The following NOL4 variants were observed in gnomAD, a reference collection of about 807,000 sequenced individuals.
NOL4 encodes cancer/testis antigen 125.
Under a neutral mutation model 75.9 loss-of-function variants are expected in NOL4, and 17 were observed. The ratio of observed to expected loss-of-function variants is 0.22; its 90% CI spans 0.15 to 0.34. The LOEUF is 0.34. Among genes scored for constraint, NOL4 ranks in the 10% least tolerant of loss-of-function variants. The pLI is 1.00. For missense variants in NOL4, 614 were observed against 793.5 expected (o/e 0.77, Z 2.72); for synonymous variants, 292 against 289.9 (o/e 1.01, Z -0.07).
At chr18:33,982,193 G>A (rs866338135) in intron 6 of NOL4, among the ~76,000 whole-genome samples, 2 of 151,974 alleles carry the variant, frequency 1.3e-5, no homozygotes, top group Non-Finnish European at 2.9e-5. Context: ...AAACATAGTA[G>A]ACATTACTCA....
intron 6 of NOL4, among the ~76,000 whole-genome samples, chr18:33,969,064 C>T (rs747391292): frequency 2.2e-4 from 33 of 152,230 alleles, no homozygotes; most frequent in Non-Finnish European, 4.0e-4. Context: ...TAATCAAGTT[C>T]CTTTCATGTC....
At chr18:34,070,646 C>T (rs2077475067) in intron 5 of NOL4, among the ~76,000 whole-genome samples, 1 of 150,848 alleles carries the variant, frequency 6.6e-6, no homozygotes, top group Admixed American at 6.6e-5. Flanking sequence ...AAAATAAAGA[C>T]ACAGCCCATA....
chr18:34,010,121 T>C (rs1034903174), intron 6 of NOL4, among the ~76,000 whole-genome samples: 2 of 151,830 alleles, frequency 1.3e-5, no homozygotes, highest in African/African-American at 2.4e-5. Flanking sequence ...CATATTTTTG[T>C]ACCTATTAAC....
At chr18:34,196,684 A>G (rs2035352282) in intron 1 of NOL4, among the ~76,000 whole-genome samples, 1 of 152,122 alleles carries the variant, frequency 6.6e-6, no homozygotes, top group Admixed American at 6.6e-5. Context: ...ATTTACAGAA[A>G]ACAGCAGAAA....
At chr18:34,047,106 T>C (rs1308879134) in intron 5 of NOL4, among the ~76,000 whole-genome samples, 1 of 152,130 alleles carries the variant, frequency 6.6e-6, no homozygotes, top group African/African-American at 2.4e-5. Context: ...ATAATAATTT[T>C]ATCCAACATT....
intron 5 of NOL4, among the ~76,000 whole-genome samples, chr18:34,056,820 G>T (rs2145061888): frequency 6.6e-6 from 1 of 152,244 alleles, no homozygotes; most frequent in East Asian, 1.9e-4. Flanking sequence ...AAGGGATTCT[G>T]GTCCATATAT....
chr18:34,096,759 G>A (rs1185901917), intron 4 of NOL4, among the ~76,000 whole-genome samples: 2 of 152,058 alleles, frequency 1.3e-5, no homozygotes. Context: ...GAAACTTAAT[G>A]TTTTAATATT....
chr18:33,961,695 C>T (rs1023497583), intron 6 of NOL4, among the ~76,000 whole-genome samples: 23 of 151,950 alleles, frequency 1.5e-4, no homozygotes, highest in African/African-American at 4.8e-4. Flanking sequence ...AGATAACCTC[C>T]GACACTGAGA....
intron 9 of NOL4, among the ~76,000 whole-genome samples, chr18:33,912,445 T>C (rs2066467016): frequency 6.6e-6 from 1 of 152,092 alleles, no homozygotes; most frequent in Admixed American, 6.6e-5. Flanking sequence ...AGTTTTTATT[T>C]GTATCTTTTA....
intron 10 of NOL4, among the ~76,000 whole-genome samples, chr18:33,880,954 G>GCAGATT (rs1469864163): frequency 6.6e-6 from 1 of 151,882 alleles, no homozygotes; most frequent in Non-Finnish European, 1.5e-5. Context: ...TTTATTAATA[G>GCAGATT]CAGATTCTCA....
At chr18:33,969,487 CT>C (rs974142637) in intron 6 of NOL4, among the ~76,000 whole-genome samples, 22 of 151,940 alleles carry the variant, frequency 1.4e-4, no homozygotes, top group Non-Finnish European at 2.6e-4. Flanking sequence ...AATTTCTCAG[CT>C]TTTTCCAAAA....
At chr18:33,980,719 A>T (rs748999376) in intron 6 of NOL4, among the ~76,000 whole-genome samples, 14 of 152,040 alleles carry the variant, frequency 9.2e-5, no homozygotes, top group Admixed American at 4.6e-4. Context: ...CCCATGAAAC[A>T]TCTTACAAAT....
chr18:34,163,966 A>C (rs1397578450), intron 1 of NOL4, among the ~76,000 whole-genome samples: 4 of 152,168 alleles, frequency 2.6e-5, no homozygotes, highest in Admixed American at 1.3e-4. Flanking sequence ...TCTTTGACAA[A>C]CCTGAGAAAA....
At chr18:34,046,607 C>CATATATATAT (rs35281852) in intron 5 of NOL4, among the ~76,000 whole-genome samples, 3,491 of 81,404 alleles carry the variant, frequency 0.043, 348 homozygotes, top group East Asian at 0.093. Context: ...TTTACTTATA[C>CATATATATAT]ATATATATAT....
intron 5 of NOL4, among the ~76,000 whole-genome samples, chr18:34,038,322 A>T (rs898638756): frequency 2.0e-5 from 3 of 152,076 alleles, no homozygotes; most frequent in African/African-American, 7.2e-5. Context: ...ACTATGAAAA[A>T]CAGCATAGAG....
intron 6 of NOL4, among the ~76,000 whole-genome samples, chr18:33,967,866 T>A (rs2070731369): frequency 6.6e-6 from 1 of 152,064 alleles, no homozygotes; most frequent in African/African-American, 2.4e-5. Context: ...GGCAGGCGGA[T>A]CACAAGATTA....
chr18:34,060,164 C>T (rs1255665448), intron 5 of NOL4, among the ~76,000 whole-genome samples: 1 of 151,732 alleles, frequency 6.6e-6, no homozygotes, highest in Non-Finnish European at 1.5e-5. Flanking sequence ...TATCCTGTCC[C>T]CCAGTCTCTG....
At chr18:33,863,155 G>C (rs1266063341) in intron 10 of NOL4, among the ~76,000 whole-genome samples, 3 of 152,048 alleles carry the variant, frequency 2.0e-5, no homozygotes, top group African/African-American at 7.2e-5. Flanking sequence ...ATCATTCTCA[G>C]TAAACTATCG....
At chr18:34,103,972 C>A (rs951641453) in intron 4 of NOL4, 75 bp downstream of exon 4, 27 of 963,040 alleles carry the variant, frequency 2.8e-5, no homozygotes, top group Non-Finnish European at 3.7e-5. Flanking sequence ...TGCCATCATG[C>A]TTAATATGAT....
Sources: gnomAD v4.1 joint callset for allele counts (sites outside exome capture counted in the v4.1 genomes callset) on GRCh38, gnomAD v4.1.1 for gene constraint, MANE v1.5 for transcripts, NCBI Gene and HGNC (gene_info 2026-07-23, HGNC 2026-07-21) for gene names.